The following MAPRE3 variants were observed in gnomAD, a reference collection of about 807,000 sequenced individuals.
The protein encoded by MAPRE3 is microtubule associated protein RP/EB family member 3, also known as microtubule-associated protein RP/EB family member 3.
MAPRE3 carries 2 observed loss-of-function variants against 30.5 expected under a neutral mutation model. The ratio of observed to expected loss-of-function variants is 0.07; its 90% CI spans 0.03 to 0.21. The LOEUF (loss-of-function observed/expected upper bound fraction) is 0.21. Ranked by LOEUF, MAPRE3 falls within the 10% of genes least tolerant of loss-of-function variation. The pLI is 1.00. For synonymous variants in MAPRE3, 110 were observed against 127.7 expected (o/e 0.86, Z 0.93); for missense variants, 204 against 351.8 (o/e 0.58, Z 3.36).
intron 1 of MAPRE3, among the ~76,000 whole-genome samples, chr2:27,004,997 A>T (rs897022491): frequency 6.6e-6 from 1 of 152,214 alleles, no homozygotes; most frequent in African/African-American, 2.4e-5. Context: ...TATTTTAAAG[A>T]TAAAAAAATA....
intron 1 of MAPRE3, among the ~76,000 whole-genome samples, chr2:27,006,587 C>T (rs150545780): frequency 0.011 from 1,734 of 152,208 alleles, 35 homozygotes; most frequent in African/African-American, 0.039. Context: ...TGTGCCACCA[C>T]GTCCCACTAT....
chr2:26,988,732 G>A (rs1666267872), intron 1 of MAPRE3, among the ~76,000 whole-genome samples: 1 of 152,174 alleles, frequency 6.6e-6, no homozygotes, highest in Non-Finnish European at 1.5e-5. Flanking sequence ...AGACTCTGAA[G>A]CCCCAGCCCA....
intron 1 of MAPRE3, among the ~76,000 whole-genome samples, chr2:26,982,609 A>G (rs1440043): frequency 0.96 from 146,012 of 152,332 alleles, 70,267 homozygotes; most frequent in East Asian, 1. Flanking sequence ...TGGACTCTCT[A>G]TAAACACAGC....
chr2:27,000,522 A>G (rs1390984632), intron 1 of MAPRE3, among the ~76,000 whole-genome samples: 4 of 152,254 alleles, frequency 2.6e-5, no homozygotes, highest in Non-Finnish European at 4.4e-5. Context: ...TGAAGAAGAA[A>G]GAGTTACAAG....
intron 6 of MAPRE3, 109 bp downstream of exon 6, chr2:27,026,141 G>C (rs1249469922): frequency 8.2e-6 from 12 of 1,465,942 alleles, no homozygotes; most frequent in Non-Finnish European, 1.1e-5. Flanking sequence ...ATGAGAGAGA[G>C]GTGAAGTCAC....
At chr2:26,981,972 G>T (rs1348692912) in intron 1 of MAPRE3, among the ~76,000 whole-genome samples, 1 of 152,222 alleles carries the variant, frequency 6.6e-6, no homozygotes, top group Non-Finnish European at 1.5e-5. Flanking sequence ...CCTCCAGACA[G>T]ATAGAGTCCC....
chr2:26,998,231 G>A (rs1472761929), intron 1 of MAPRE3, among the ~76,000 whole-genome samples: 1 of 152,178 alleles, frequency 6.6e-6, no homozygotes, highest in Non-Finnish European at 1.5e-5. Flanking sequence ...ATGTCATGCT[G>A]AGTTTTTCTT....
intron 1 of MAPRE3, among the ~76,000 whole-genome samples, chr2:26,981,617 C>T (rs780422545): frequency 4.7e-4 from 72 of 152,298 alleles, no homozygotes; most frequent in Middle Eastern, 3.4e-3. Flanking sequence ...TCTCAGGAGT[C>T]GAGCTGTGCC....
intron 1 of MAPRE3, among the ~76,000 whole-genome samples, chr2:26,999,603 A>G (rs1220325899): frequency 7.1e-6 from 1 of 141,650 alleles, no homozygotes; most frequent in Admixed American, 7.8e-5. Context: ...TCCTGGGTTC[A>G]AGCGATTCTC....
intron 1 of MAPRE3, among the ~76,000 whole-genome samples, chr2:27,018,505 T>C (rs375437391): frequency 1.1e-4 from 17 of 152,310 alleles, no homozygotes; most frequent in East Asian, 7.7e-4. Context: ...CTAGCACACT[T>C]TGGGGCATTT....
chr2:27,024,098 C>A lies in MAPRE3; in HGVS notation c.270C>A (p.Ile90=). 1.2e-6 allele frequency: 2 copies of A among 1,612,294 alleles called. No homozygotes were observed. The highest frequency in any genetic ancestry group is 2.2e-5 in the South Asian group (2 of 90,796). The stretch of plus-strand genomic sequence containing the variant: ...TCTGCTTATGTGGTCTATTTCAGAT[C>A]ATTCCTGTAGAGAAATTAGTGAAAG... ...AAFKKMGVDK[I]IPVEKLVKGK... The change falls in exon 4 of 7, where the codon ATC becomes ATA. Residue 90 remains isoleucine, a splice_region_variant and synonymous_variant. Coordinates refer to ENST00000233121, the MANE Select transcript of MAPRE3 (RefSeq NM_012326.4).
At chr2:27,022,054 T>C (rs1667120291) in intron 1 of MAPRE3, among the ~76,000 whole-genome samples, 158 bp from the exon 2 acceptor site, 1 of 152,208 alleles carries the variant, frequency 6.6e-6, no homozygotes, top group South Asian at 2.1e-4. Flanking sequence ...GCTCATGAAA[T>C]GTCTAAGGAA....
chr2:26,999,246 C>A (rs1666532635), intron 1 of MAPRE3, among the ~76,000 whole-genome samples: 1 of 152,056 alleles, frequency 6.6e-6, no homozygotes, highest in Admixed American at 6.5e-5. Flanking sequence ...GTAACTAAAG[C>A]AGTGTTTTTG....
intron 4 of MAPRE3, 40 bp downstream of exon 4, chr2:27,024,337 G>T: frequency 6.3e-7 from 1 of 1,581,334 alleles, no homozygotes; most frequent in Middle Eastern, 1.9e-4. Context: ...TGGGGGGCCG[G>T]GCCGGCAGGC....
intron 1 of MAPRE3, chr2:27,001,975 A>C (rs1572757845): frequency 1.3e-5 from 2 of 152,370 alleles, no homozygotes; most frequent in South Asian, 4.1e-4. Flanking sequence ...AGGAGTCTGA[A>C]AGTAGGAGGT....
intron 1 of MAPRE3, among the ~76,000 whole-genome samples, chr2:26,988,932 C>T (rs1666272595): frequency 6.6e-6 from 1 of 152,186 alleles, no homozygotes; most frequent in Non-Finnish European, 1.5e-5. Context: ...GGCAGAAAAA[C>T]TCTCCTGCTT....
intron 1 of MAPRE3, chr2:27,009,759 T>G (rs913590940): frequency 6.6e-6 from 1 of 152,286 alleles, no homozygotes; most frequent in African/African-American, 2.4e-5. Flanking sequence ...GCATTCCCCT[T>G]TCCTCTTAAC....
intron 1 of MAPRE3, among the ~76,000 whole-genome samples, chr2:26,989,792 G>C (rs1666297705): frequency 1.3e-5 from 2 of 152,168 alleles, no homozygotes; most frequent in African/African-American, 2.4e-5. Context: ...CATAAGGAGG[G>C]GCAGCCTAGT....
At chr2:27,005,791 G>C (rs1263643955) in intron 1 of MAPRE3, among the ~76,000 whole-genome samples, 2 of 152,178 alleles carry the variant, frequency 1.3e-5, no homozygotes, top group Non-Finnish European at 2.9e-5. Context: ...GATTTCATTG[G>C]TGGCAACCCT....
Sources: allele counts gnomAD v4.1 joint callset (sites outside exome capture counted in the v4.1 genomes callset), GRCh38; gene constraint gnomAD v4.1.1; transcripts MANE v1.5; gene names NCBI Gene and HGNC (gene_info 2026-07-23, HGNC 2026-07-21).